PTPRD: variants seen among roughly 807,000 people sequenced by gnomAD.
PTPRD encodes the protein protein tyrosine phosphatase receptor type D.
Under a neutral mutation model 214.5 loss-of-function variants are expected in PTPRD, and 34 were observed. The ratio of observed to expected loss-of-function variants is 0.16; its 90% CI spans 0.12 to 0.21. The LOEUF (loss-of-function observed/expected upper bound fraction) is 0.21. PTPRD is among the 10% of genes least tolerant of loss of function. PTPRD has a pLI of 1.00. For synonymous variants in PTPRD, 1,128 were observed against 845.7 expected, an observed-to-expected ratio of 1.33 and a Z score of -5.79; for missense variants, 2,545 against 2,398.7, an observed-to-expected ratio of 1.06 and a Z score of -1.27.
At chr9:8,408,588 C>G (rs2093246274) in intron 35 of PTPRD, among the ~76,000 whole-genome samples, 1 of 152,136 alleles carries the variant, frequency 6.6e-6, no homozygotes, top group Non-Finnish European at 1.5e-5. Context: ...ATACGAAATA[C>G]ATAAATTATC....
chr9:9,722,443 A>G (rs1300143205), intron 7 of PTPRD, among the ~76,000 whole-genome samples: 1 of 152,104 alleles, frequency 6.6e-6, no homozygotes, highest in African/African-American at 2.4e-5. Flanking sequence ...TAAAATCTAT[A>G]CCATATTTAA....
intron 9 of PTPRD, among the ~76,000 whole-genome samples, chr9:9,220,902 C>T (rs1313239751): frequency 6.6e-6 from 1 of 152,070 alleles, no homozygotes; most frequent in Non-Finnish European, 1.5e-5. Context: ...CTGACACTTG[C>T]AGGTTGATAA....
chr9:10,098,793 T>G (rs2098521619), intron 3 of PTPRD, among the ~76,000 whole-genome samples: 1 of 151,778 alleles, frequency 6.6e-6, no homozygotes, highest in African/African-American at 2.4e-5. Flanking sequence ...ACCAGTTGAA[T>G]GGCAAAGACA....
At chr9:8,329,025 ATCTGTCAATTTATCAAACTCATTC>A (rs1239068470) in intron 44 of PTPRD, among the ~76,000 whole-genome samples, 1 of 152,068 alleles carries the variant, frequency 6.6e-6, no homozygotes, top group Non-Finnish European at 1.5e-5. Flanking sequence ...TGAAGCTGAC[ATCTGTCAATTTATCAAACTCATTC>A]TCTGTCCTGT....
At chr9:8,984,474 A>T (rs1246878765) in intron 11 of PTPRD, among the ~76,000 whole-genome samples, 1 of 152,124 alleles carries the variant, frequency 6.6e-6, no homozygotes, top group African/African-American at 2.4e-5. Flanking sequence ...AAAATTATAA[A>T]GCATCATACT....
At chr9:10,247,705 T>C (rs2092313254) in intron 3 of PTPRD, among the ~76,000 whole-genome samples, 1 of 152,210 alleles carries the variant, frequency 6.6e-6, no homozygotes, top group African/African-American at 2.4e-5. Context: ...GTTTATTTGC[T>C]TTTCATTTTG....
intron 37 of PTPRD, among the ~76,000 whole-genome samples, chr9:8,387,614 A>T (rs1383591571): frequency 1.3e-5 from 2 of 152,200 alleles, no homozygotes; most frequent in Non-Finnish European, 2.9e-5. Flanking sequence ...CAGAAGTGTC[A>T]ACAGGCAGTA....
At chr9:9,760,605 C>CACACACAT (rs2098644582) in intron 6 of PTPRD, among the ~76,000 whole-genome samples, 1 of 29,096 alleles carries the variant, frequency 3.4e-5, no homozygotes, top group Non-Finnish European at 5.9e-5. Flanking sequence ...ATCATACACA[C>CACACACAT]ACACACACAC....
intron 9 of PTPRD, among the ~76,000 whole-genome samples, chr9:9,303,614 T>C (rs1286336707): frequency 6.6e-6 from 1 of 152,176 alleles, no homozygotes; most frequent in East Asian, 1.9e-4. Flanking sequence ...TCATCTACAA[T>C]TAGATTCAAG....
chr9:8,748,384 G>A (rs538444663), intron 11 of PTPRD, among the ~76,000 whole-genome samples: 150 of 152,050 alleles, frequency 9.9e-4, no homozygotes, highest in African/African-American at 3.4e-3. Flanking sequence ...TCTATTGCCT[G>A]AGAGCACAGC....
intron 3 of PTPRD, among the ~76,000 whole-genome samples, chr9:10,144,590 T>C (rs937092253): frequency 6.6e-6 from 1 of 152,148 alleles, no homozygotes; most frequent in African/African-American, 2.4e-5. Context: ...ACAATGGAGA[T>C]GTCAGCATCA....
intron 16 of PTPRD, 138 bp downstream of exon 16, chr9:8,527,207 G>T: frequency 1.2e-6 from 1 of 827,646 alleles, no homozygotes. Context: ...GGAGGTGTGT[G>T]TGGGAGCCAC....
chr9:9,492,042 G>A (rs894237845), intron 8 of PTPRD, among the ~76,000 whole-genome samples: 4 of 151,724 alleles, frequency 2.6e-5, no homozygotes, highest in African/African-American at 4.8e-5. Flanking sequence ...TTACTAAAAT[G>A]AGAAATGAAA....
intron 8 of PTPRD, among the ~76,000 whole-genome samples, chr9:9,561,845 G>A (rs964748073): frequency 2.0e-5 from 3 of 151,994 alleles, no homozygotes; most frequent in African/African-American, 7.3e-5. Context: ...CTCCTTCCAA[G>A]CTCTTATTGT....
intron 7 of PTPRD, among the ~76,000 whole-genome samples, chr9:9,719,421 G>T (rs1160554956): frequency 6.6e-6 from 1 of 152,276 alleles, no homozygotes; most frequent in African/African-American, 2.4e-5. Flanking sequence ...CTGGACCACA[G>T]GATTGAAGAG....
intron 4 of PTPRD, among the ~76,000 whole-genome samples, chr9:9,973,306 A>C (rs1346480255): frequency 1.3e-5 from 2 of 151,150 alleles, no homozygotes; most frequent in African/African-American, 4.9e-5. Flanking sequence ...TCTTTCAAAA[A>C]AAAAAAAAAA....
chr9:9,803,367 C>T (rs1267037393), intron 5 of PTPRD, among the ~76,000 whole-genome samples: 1 of 151,858 alleles, frequency 6.6e-6, no homozygotes, highest in African/African-American at 2.4e-5. Context: ...AATATAGCTG[C>T]AGAATTGAAG....
chr9:8,809,085 G>C (rs1600495493), intron 11 of PTPRD, among the ~76,000 whole-genome samples: 1 of 152,128 alleles, frequency 6.6e-6, no homozygotes, highest in African/African-American at 2.4e-5. Flanking sequence ...CACCAAGCTA[G>C]TTGTTACACC....
intron 2 of PTPRD, among the ~76,000 whole-genome samples, chr9:10,584,751 T>C (rs1426588478): frequency 6.6e-6 from 1 of 152,176 alleles, no homozygotes; most frequent in Non-Finnish European, 1.5e-5. Flanking sequence ...AAAGAAGCGA[T>C]GTACAGTTGG....
Sources: allele counts gnomAD v4.1 joint callset (sites outside exome capture counted in the v4.1 genomes callset), GRCh38; gene constraint gnomAD v4.1.1; transcripts MANE v1.5; gene names NCBI Gene and HGNC (gene_info 2026-07-23, HGNC 2026-07-21).